Variants in PRKCA observed in about 807,000 individuals in gnomAD.
PRKCA encodes the protein protein kinase C alpha.
PRKCA carries 27 observed loss-of-function variants against 87.0 expected under a neutral mutation model. That is an observed-to-expected ratio of 0.31 (90% CI 0.23 to 0.43). PRKCA has a LOEUF of 0.43. Ranked by LOEUF, PRKCA falls within the 20% of genes least tolerant of loss-of-function variation. The pLI is 1.00. For synonymous variants in PRKCA, 329 were observed against 311.1 expected (o/e 1.06, Z -0.61); for missense variants, 518 against 852.3 (o/e 0.61, Z 4.88).
intron 3 of PRKCA, among the ~76,000 whole-genome samples, chr17:66,565,515 C>T (rs187177727): frequency 5.3e-5 from 8 of 152,290 alleles, no homozygotes; most frequent in Non-Finnish European, 8.8e-5. Flanking sequence ...ACAATTATAA[C>T]GTGGGACTTT....
intron 2 of PRKCA, among the ~76,000 whole-genome samples, chr17:66,463,042 G>A (rs1914927754): frequency 6.6e-6 from 1 of 152,042 alleles, no homozygotes; most frequent in African/African-American, 2.4e-5. Context: ...CTCCAGAGAG[G>A]TTGGCTTACC....
At chr17:66,423,696 C>T (rs114209872) in intron 2 of PRKCA, among the ~76,000 whole-genome samples, 265 of 152,242 alleles carry the variant, frequency 1.7e-3, no homozygotes, top group African/African-American at 6.0e-3. Context: ...GAGTGGCCTC[C>T]CCCAGTTGAG....
chr17:66,413,586 C>T (rs1598651702), intron 2 of PRKCA, among the ~76,000 whole-genome samples: 1 of 152,154 alleles, frequency 6.6e-6, no homozygotes, highest in Non-Finnish European at 1.5e-5. Flanking sequence ...CACCAAGTGT[C>T]GCCTCATTAG....
rs190474338 is a variant in PRKCA, at chr17:66,409,892, T to C, written c.206-86309T>C. 2.1e-3 allele frequency among the ~76,000 whole-genome samples: 318 copies of C among 152,352 alleles called. 2 individuals are homozygous for C. Among genetic ancestry groups the C allele is most frequent in the African/African-American group, 7.3e-3 (304 of 41,580 alleles). ...GAGATCACGCCACTGCACTCCAGCC[T>C]GGGCGACAGAGTGAGACTCCGTCTC... On this transcript the variant is annotated intron_variant, in intron 2 of 16. Coordinates refer to ENST00000413366, the MANE Select transcript of PRKCA (RefSeq NM_002737.3).
intron 2 of PRKCA, among the ~76,000 whole-genome samples, chr17:66,450,314 C>A (rs1914246520): frequency 6.6e-6 from 1 of 152,170 alleles, no homozygotes; most frequent in African/African-American, 2.4e-5. Context: ...GAGACACAGT[C>A]CCTCTTAGTC....
At chr17:66,548,780 C>T (rs1305367723) in intron 3 of PRKCA, among the ~76,000 whole-genome samples, 1 of 150,114 alleles carries the variant, frequency 6.7e-6, no homozygotes, top group African/African-American at 2.5e-5. Context: ...GGATTCCCTC[C>T]TAGCGCCTAC....
At chr17:66,373,704 A>G (rs72846681) in intron 2 of PRKCA, among the ~76,000 whole-genome samples, 6,782 of 152,332 alleles carry the variant, frequency 0.045, 221 homozygotes, top group Admixed American at 0.078. Context: ...CATAGGGACA[A>G]TCACAGAGAT....
At chr17:66,692,993 T>C (rs1236397196) in intron 8 of PRKCA, among the ~76,000 whole-genome samples, 1 of 152,232 alleles carries the variant, frequency 6.6e-6, no homozygotes, top group East Asian at 1.9e-4. Flanking sequence ...CATGCAGTTT[T>C]CGAATCCTTC....
chr17:66,405,056 G>A lies in PRKCA; in HGVS notation c.206-91145G>A, dbSNP rs1171591218. 2.0e-5 allele frequency among the ~76,000 whole-genome samples: 3 copies of A among 151,874 alleles called. No homozygotes were observed. In the East Asian group the frequency reaches 5.8e-4, roughly 30 times the overall value. On this transcript the variant is annotated intron_variant, in intron 2 of 16. Transcript: ENST00000413366. ...TGAGCCACTGCGCCCGGCCAAGAGAGGGGTAGGCCTTTTTGATGGGATGGA... is the reference window on the plus strand; with the variant it reads ...TGAGCCACTGCGCCCGGCCAAGAGAAGGGTAGGCCTTTTTGATGGGATGGA...
chr17:66,756,648 G>A (rs894604021), intron 13 of PRKCA, among the ~76,000 whole-genome samples: 1 of 151,880 alleles, frequency 6.6e-6, no homozygotes, highest in Non-Finnish European at 1.5e-5. Flanking sequence ...CAGGAGTTTT[G>A]TTTTTTGGTT....
At chr17:66,310,855 A>C (rs1305626563) in intron 2 of PRKCA, among the ~76,000 whole-genome samples, 2 of 152,150 alleles carry the variant, frequency 1.3e-5, no homozygotes, top group Non-Finnish European at 2.9e-5. Context: ...AGTTGTATGG[A>C]CACCAAGTAC....
At chr17:66,533,646 G>T (rs533114417) in intron 3 of PRKCA, among the ~76,000 whole-genome samples, 1 of 152,324 alleles carries the variant, frequency 6.6e-6, no homozygotes, top group South Asian at 2.1e-4. Flanking sequence ...TTGATACCCA[G>T]TGGGTTGGTC....
At chr17:66,412,001 C>CTTT (rs34558353) in intron 2 of PRKCA, among the ~76,000 whole-genome samples, 3 of 136,012 alleles carry the variant, frequency 2.2e-5, no homozygotes, top group Admixed American at 1.4e-4. Flanking sequence ...GAAAAAAAAT[C>CTTT]TTTTTTTTTT....
intron 8 of PRKCA, among the ~76,000 whole-genome samples, chr17:66,720,165 A>G (rs1327177884): frequency 6.6e-6 from 1 of 152,244 alleles, no homozygotes; most frequent in Non-Finnish European, 1.5e-5. Context: ...GTGCAGGGAC[A>G]ATGTCAGAAG....
chr17:66,606,469 C>T (rs998968917), intron 3 of PRKCA, among the ~76,000 whole-genome samples: 4 of 152,058 alleles, frequency 2.6e-5, no homozygotes, highest in Non-Finnish European at 4.4e-5. Context: ...AGAGCTCATA[C>T]GAATGTATAA....
chr17:66,364,810 C>G (rs1033628242), intron 2 of PRKCA, among the ~76,000 whole-genome samples: 1 of 152,258 alleles, frequency 6.6e-6, no homozygotes, highest in Non-Finnish European at 1.5e-5. Context: ...CTTTTCTATC[C>G]CATCATGGTT....
At chr17:66,734,647 G>A (rs2144209798) in intron 9 of PRKCA, among the ~76,000 whole-genome samples, 1 of 152,262 alleles carries the variant, frequency 6.6e-6, no homozygotes, top group Admixed American at 6.5e-5. Context: ...TAGCCCTGCT[G>A]ACCTCCTATC....
At chr17:66,333,859 T>A (rs774120357) in intron 2 of PRKCA, among the ~76,000 whole-genome samples, 49 of 152,194 alleles carry the variant, frequency 3.2e-4, no homozygotes, top group Non-Finnish European at 6.6e-4. Context: ...TTATACTTTT[T>A]AAAAAAATGT....
At chr17:66,608,480 G>A (rs7212887) in intron 3 of PRKCA, among the ~76,000 whole-genome samples, 29,462 of 152,136 alleles carry the variant, frequency 0.19, 3,244 homozygotes, top group African/African-American at 0.3. Context: ...TATAAATTAT[G>A]TATGCTGCAC....
Sources: gnomAD v4.1 joint callset for allele counts (sites outside exome capture counted in the v4.1 genomes callset) on GRCh38, gnomAD v4.1.1 for gene constraint, MANE v1.5 for transcripts, NCBI Gene and HGNC (gene_info 2026-07-23, HGNC 2026-07-21) for gene names.